RFX6: variants seen among roughly 807,000 people sequenced by gnomAD.
RFX6 encodes the protein DNA-binding protein RFX6.
A neutral mutation model predicts 110.8 loss-of-function variants in RFX6; 50 were observed. The ratio of observed to expected loss-of-function variants is 0.45; its 90% confidence interval spans 0.36 to 0.57. RFX6 has a LOEUF of 0.57. RFX6 is among the 20% of genes least tolerant of loss of function. The pLI is 0.00. For missense variants in RFX6, 990 were observed against 1,127.0 expected (o/e 0.88, Z 1.74); for synonymous variants, 383 against 411.2 (o/e 0.93, Z 0.83).
At chr6:116,882,266 T>C in intron 3 of RFX6, 101 bp from the exon 4 acceptor site, 4 of 812,712 alleles carry the variant, frequency 4.9e-6, no homozygotes, top group Non-Finnish European at 6.5e-6. Flanking sequence ...TCACAGTTCA[T>C]TCAGAGTTCA....
At position 116,877,861 on chromosome 6, in the gene RFX6, A is replaced by C. The variant is rs1473013984; in HGVS notation, c.289A>C (p.Thr97Pro). 1 of 1,614,136 alleles carries C rather than the reference A, an allele frequency of 6.2e-7. No individual in the cohort carries two copies. The highest frequency in any genetic ancestry group is 8.5e-7 in the Non-Finnish European group (1 of 1,180,012). ...EEDADNHDSK[T>P]KAADQYLSQK... Reference sequence around the variant, plus strand: ...GGACGCCGACAACCACGACAGCAAAACCAAAGCAGCGGATCAATACCTGTC... The same window carrying C: ...GGACGCCGACAACCACGACAGCAAACCCAAAGCAGCGGATCAATACCTGTC... Residue 97 changes from threonine (T) to proline (P), a missense_variant, in exon 2 of 19, where the codon ACC becomes CCC. Coordinates refer to ENST00000332958, the MANE Select transcript of RFX6 (RefSeq NM_173560.4).
chr6:116,894,078 AT>A lies in RFX6; in HGVS notation c.644+15del. 1 of 1,362,648 alleles carries A rather than the reference AT, an allele frequency of 7.3e-7. No homozygotes were observed. Among genetic ancestry groups the A allele is most frequent in the Non-Finnish European group, 1.1e-6 (1 of 950,558 alleles). 84.4% of individuals were successfully genotyped at this position (1,362,648 alleles called of 1,614,324 possible). On this transcript the variant is annotated intron_variant, in intron 5 of 18. Transcript: ENST00000332958. The stretch of plus-strand genomic sequence containing the variant: ...GGGCTTGACAAGGTAGAGTTACACC[AT>A]CTTCAAGACAAATTCTCTGTGTTTC...
At chr6:116,900,969 G>C (rs1402668203) in intron 6 of RFX6, among the ~76,000 whole-genome samples, 1 of 152,090 alleles carries the variant, frequency 6.6e-6, no homozygotes, top group Non-Finnish European at 1.5e-5. Context: ...CTTTGTGATG[G>C]TGTGAAAGGG....
At chr6:116,886,190 A>G (rs1054225073) in intron 4 of RFX6, among the ~76,000 whole-genome samples, 2 of 152,160 alleles carry the variant, frequency 1.3e-5, no homozygotes, top group African/African-American at 4.8e-5. Context: ...AATAAATGTG[A>G]TATTTATTTT....
intron 13 of RFX6, among the ~76,000 whole-genome samples, chr6:116,922,369 T>C (rs1775620429): frequency 6.6e-6 from 1 of 152,182 alleles, no homozygotes; most frequent in South Asian, 2.1e-4. Flanking sequence ...TATTTCTCCT[T>C]TCTTGCCGAA....
At chr6:116,880,893 C>A (rs761820367) in intron 3 of RFX6, among the ~76,000 whole-genome samples, 1 of 151,958 alleles carries the variant, frequency 6.6e-6, no homozygotes, top group Non-Finnish European at 1.5e-5. Flanking sequence ...TTAAAGCAAG[C>A]TTTGTTTAAG....
In RFX6 at chr6:116,927,272, C is replaced by T. The variant is rs1409717514; in HGVS notation, c.2131C>T (p.Pro711Ser). The change falls in exon 17 of 19, where the codon CCC becomes TCC. Residue 711 changes from proline to serine, a missense_variant. Physicochemically the swap from Pro to Ser is moderately conservative, Grantham distance 74. Around this residue, in one of 5 missense-constraint regions of RFX6, gnomAD observed 438 missense variants for 441.9 expected, o/e 0.99. Transcript: ENST00000332958. ...CTACCAGACTGTGTTTAGGGCACAGCCCCACTCCACATCAGGACTCTATCC... is the reference window on the plus strand; with the variant it reads ...CTACCAGACTGTGTTTAGGGCACAGTCCCACTCCACATCAGGACTCTATCC... ...SNYQTVFRAQ[P>S]HSTSGLYPHH... The T allele has an allele frequency of 6.2e-7, 1 of 1,614,194 alleles. No individual in the cohort carries two copies. The highest frequency in any genetic ancestry group is 8.5e-7 in the Non-Finnish European group (1 of 1,180,026).
intron 14 of RFX6, chr6:116,923,435 G>A (rs1363614027): frequency 1.2e-5 from 7 of 561,274 alleles, no homozygotes; most frequent in Non-Finnish European, 2.2e-5. Flanking sequence ...TCTGGCTATG[G>A]GCCAATCTGC....
At chr6:116,930,378 G>A (rs1379998697) in intron 18 of RFX6, among the ~76,000 whole-genome samples, 2 of 152,076 alleles carry the variant, frequency 1.3e-5, no homozygotes, top group Admixed American at 1.3e-4. Context: ...ATTGAGAACC[G>A]ACTAGGAGCC....
At chr6:116,900,544 C>T (rs987322359) in intron 6 of RFX6, among the ~76,000 whole-genome samples, 9 of 152,008 alleles carry the variant, frequency 5.9e-5, no homozygotes, top group African/African-American at 1.9e-4. Context: ...TGTGAGCCAC[C>T]GTGCCCGGCC....
chr6:116,883,332 A>G (rs1186510599), intron 4 of RFX6, among the ~76,000 whole-genome samples: 1 of 152,058 alleles, frequency 6.6e-6, no homozygotes, highest in African/African-American at 2.4e-5. Context: ...CTTCTCTGTC[A>G]TAGTACTATC....
intron 14 of RFX6, 65 bp downstream of exon 14, chr6:116,923,289 T>G: frequency 1.2e-6 from 1 of 829,118 alleles, no homozygotes; most frequent in Non-Finnish European, 2.2e-6. Flanking sequence ...CAGTCACAGT[T>G]CCTGTCAATT....
chr6:116,923,815 G>A (rs1439454434), intron 14 of RFX6, among the ~76,000 whole-genome samples: 1 of 152,096 alleles, frequency 6.6e-6, no homozygotes, highest in Non-Finnish European at 1.5e-5. Flanking sequence ...AAAATTGAAT[G>A]CCTTCTTTTT....
At chr6:116,879,048 C>T (rs1774530529) in intron 2 of RFX6, among the ~76,000 whole-genome samples, 1 of 151,806 alleles carries the variant, frequency 6.6e-6, no homozygotes, top group Non-Finnish European at 1.5e-5. Flanking sequence ...CTATTTGCAG[C>T]AGGATAACTG....
intron 7 of RFX6, among the ~76,000 whole-genome samples, chr6:116,911,497 T>G (rs1775350499): frequency 6.6e-6 from 1 of 152,216 alleles, no homozygotes; most frequent in African/African-American, 2.4e-5. Flanking sequence ...GAACTTTCCT[T>G]ACTTCTAAAA....
intron 7 of RFX6, among the ~76,000 whole-genome samples, chr6:116,911,586 T>C (rs1775353234): frequency 1.3e-5 from 2 of 152,228 alleles, no homozygotes; most frequent in Admixed American, 1.3e-4. Flanking sequence ...TAAATAATTC[T>C]CAATATGACT....
intron 7 of RFX6, among the ~76,000 whole-genome samples, chr6:116,914,491 G>A (rs961207296): frequency 1.3e-5 from 2 of 152,062 alleles, no homozygotes; most frequent in East Asian, 3.9e-4. Flanking sequence ...CATCTTTCGT[G>A]TGTTACTCAT....
chr6:116,905,782 C>T (rs546626081), intron 6 of RFX6, among the ~76,000 whole-genome samples: 7 of 152,086 alleles, frequency 4.6e-5, no homozygotes, highest in Non-Finnish European at 7.4e-5. Context: ...AATCTCTTGA[C>T]CTCATGATCC....
Position 116,880,666 on chromosome 6 carries a change from A to G in RFX6, c.503A>G (p.Lys168Arg). 2 of 1,613,480 alleles carry G rather than the reference A, an allele frequency of 1.2e-6. No homozygotes were observed. The highest frequency in any genetic ancestry group is 1.7e-6 in the Non-Finnish European group (2 of 1,179,496). Residue 168 changes from lysine to arginine, a missense_variant and splice_region_variant, in exon 3 of 19, where the codon AAG becomes AGG. Lys to Arg is a conservative substitution (Grantham distance 26). Around this residue, in one of 5 missense-constraint regions of RFX6, gnomAD observed 243 missense variants for 353.1 expected, o/e 0.69. Coordinates refer to ENST00000332958, the MANE Select transcript of RFX6 (RefSeq NM_173560.4). ...CCAGCCTGTGCGGCCACCTTTGGAA[A>G]GGTAAATGACACGTATTGGCTATAG... ...LEPACAATFG[K>R]TIRQKFPLLT...
Sources: gnomAD v4.1 joint callset for allele counts (sites outside exome capture counted in the v4.1 genomes callset) on GRCh38, gnomAD v4.1.1 for gene constraint, gnomAD v4.1.1 regional missense constraint, MANE v1.5 for transcripts, NCBI Gene and HGNC (gene_info 2026-07-23, HGNC 2026-07-21) for gene names.